The following REPS1 variants were observed in gnomAD, a reference collection of about 807,000 sequenced individuals.
REPS1 encodes the protein ralBP1-associated Eps domain-containing protein 1.
Under a neutral mutation model 100.9 loss-of-function variants are expected in REPS1, and 39 were observed. That is an observed-to-expected ratio of 0.39 (90% CI 0.30 to 0.50). The LOEUF (loss-of-function observed/expected upper bound fraction) is 0.50, where lower values mean the gene tolerates loss of function less well. Ranked by LOEUF, REPS1 falls within the 20% of genes least tolerant of loss-of-function variation. REPS1 has a pLI of 0.86. For synonymous variants in REPS1, 324 were observed against 340.3 expected (o/e 0.95, Z 0.53); for missense variants, 821 against 968.5 (o/e 0.85, Z 2.02).
At position 138,947,035 on chromosome 6, in the gene REPS1, G is replaced by GCTCGCT. The variant is rs10648982; in HGVS notation, c.277+754_277+755insAGCGAG. 2.3e-4 allele frequency among the ~76,000 whole-genome samples: 32 copies of GCTCGCT among 137,718 alleles called. No individual in the cohort carries two copies. The East Asian group carries it at 5.5e-3, about 24-fold the overall frequency. The allele number at this position is 137,718 out of a possible 152,430, so 90.3% of individuals were successfully genotyped here. On this transcript the variant is annotated intron_variant, in intron 2 of 19. Transcript: ENST00000450536. ...TAAATGTCTGTGGCTATTCCCCCTT[G>GCTCGCT]CTCTCTCTCTCTCTCTCTCTCTCTC...
At chr6:138,905,542 C>T (rs1025286186) in intron 19 of REPS1, among the ~76,000 whole-genome samples, 4 of 151,830 alleles carry the variant, frequency 2.6e-5, no homozygotes, top group South Asian at 4.2e-4. Context: ...CCACCCGCCT[C>T]GGCCTCCCAA....
At chr6:138,925,190 T>TACACACAC (rs3070143) in intron 10 of REPS1, among the ~76,000 whole-genome samples, 20 of 148,090 alleles carry the variant, frequency 1.4e-4, no homozygotes, top group East Asian at 4.0e-4. Context: ...TACTAAAAAA[T>TACACACAC]ACACACACAC....
At chr6:138,923,227 G>A (rs1024003628) in intron 10 of REPS1, among the ~76,000 whole-genome samples, 23 of 152,138 alleles carry the variant, frequency 1.5e-4, no homozygotes, top group African/African-American at 4.8e-4. Context: ...ATGGCTTTAG[G>A]AGCAACTCTA....
intron 1 of REPS1, among the ~76,000 whole-genome samples, chr6:138,985,929 C>T (rs770110615): frequency 3.9e-5 from 6 of 152,160 alleles, no homozygotes; most frequent in Admixed American, 6.5e-5. Flanking sequence ...GAAGGCTTTT[C>T]CTTAATTTTA....
rs200330644 is a variant in REPS1 at position 138,905,846 on chromosome 6, A to G, written c.2323-714T>C. The stretch of plus-strand genomic sequence containing the variant: ...TCTCATTTTGAGCTTTAGTTTCCCA[A>G]AGAATAACTTTGCATTCAGAATTTT... On this transcript the variant is annotated intron_variant, in intron 19 of 19. Transcript: ENST00000450536. Among the ~76,000 whole-genome samples the G allele has an allele frequency of 1.2e-3, 182 of 152,320 alleles. 2 individuals are homozygous for G. In the East Asian group the frequency reaches 0.028, roughly 24 times the overall value.
chr6:138,939,014 A>AT (rs1335164523), intron 8 of REPS1, among the ~76,000 whole-genome samples: 1 of 151,666 alleles, frequency 6.6e-6, no homozygotes, highest in African/African-American at 2.4e-5. Context: ...CACCCTGCTA[A>AT]TTTTTTTTAT....
intron 1 of REPS1, among the ~76,000 whole-genome samples, chr6:138,955,332 T>C (rs1307255037): frequency 2.0e-5 from 3 of 151,356 alleles, no homozygotes; most frequent in African/African-American, 4.9e-5. Flanking sequence ...CCTGTAGTGC[T>C]AGCTACTAGG....
intron 16 of REPS1, among the ~76,000 whole-genome samples, chr6:138,912,010 C>A (rs972295692): frequency 9.2e-5 from 14 of 152,108 alleles, no homozygotes; most frequent in African/African-American, 2.9e-4. Context: ...CTGTGCACAC[C>A]TCTACATGCC....
At chr6:138,905,195 A>G in intron 19 of REPS1, 63 bp from the exon 20 acceptor site, 2 of 999,448 alleles carry the variant, frequency 2.0e-6, no homozygotes, top group Non-Finnish European at 3.2e-6. Flanking sequence ...AATATCTAAC[A>G]ACAGCTCTGC....
chr6:138,911,029 TC>T (rs1779969664), intron 17 of REPS1: 1 of 316,606 alleles, frequency 3.2e-6, no homozygotes, highest in Non-Finnish European at 5.8e-6. Flanking sequence ...ATAAAGAAGT[TC>T]TACCTTATAT....
rs3765191 is a variant in REPS1, at chr6:138,911,442, C to A, written c.1972-71G>T. 182,048 of 968,532 alleles carry A rather than the reference C, an allele frequency of 0.19. 19,481 individuals are homozygous for A. Among genetic ancestry groups the A allele is most frequent in the African/African-American group, 0.4 (24,550 of 60,840 alleles). 60.0% of individuals were successfully genotyped at this position (968,532 alleles called of 1,614,324 possible). A position where few individuals can be genotyped will look rare whatever the true frequency, so the allele number is the denominator to read the frequency against. Reference sequence around the variant, plus strand: ...ATTATGCATAAATATAGAATATGTACCAAATCAGAATAAAATGTTAAATAT... The same window carrying A: ...ATTATGCATAAATATAGAATATGTAACAAATCAGAATAAAATGTTAAATAT... On this transcript the variant is annotated intron_variant, in intron 16 of 19. Coordinates refer to ENST00000450536, the MANE Select transcript of REPS1 (RefSeq NM_001286611.2).
At chr6:138,921,845 G>C (rs755301178) in intron 10 of REPS1, among the ~76,000 whole-genome samples, 1 of 151,946 alleles carries the variant, frequency 6.6e-6, no homozygotes, top group Non-Finnish European at 1.5e-5. Flanking sequence ...AAAGTGCTGG[G>C]ATTACAGGCG....
intron 13 of REPS1, among the ~76,000 whole-genome samples, chr6:138,917,061 G>C (rs1730377): frequency 0.35 from 52,575 of 152,056 alleles, 11,121 homozygotes; most frequent in Admixed American, 0.5. Context: ...CCTGCACACA[G>C]CTTTTAGTGG....
At position 138,947,892 on chromosome 6, in the gene REPS1, T is replaced by C. The variant is rs1403301783; in HGVS notation, c.175A>G (p.Thr59Ala). 1.2e-6 allele frequency: 2 copies of C among 1,607,930 alleles called. No homozygotes were observed. The highest frequency in any genetic ancestry group is 1.7e-6 in the Non-Finnish European group (2 of 1,178,060). ...CTTCTTCCAAAATAACCAAGTCTTG[T>C]TGCACCACAAAGCTCCATGATCTAT... is the stretch of plus-strand genomic sequence containing the variant. The part of the protein sequence containing the change: ...VLQIMELCGA[T>A]RLGYFGRSQF... The change falls in exon 2 of 20, where the codon ACA becomes GCA. Residue 59 changes from threonine (T) to alanine (A), a missense_variant. Coordinates refer to ENST00000450536, the MANE Select transcript of REPS1 (RefSeq NM_001286611.2).
chr6:138,979,601 T>G (rs1784819217), intron 1 of REPS1, among the ~76,000 whole-genome samples: 1 of 152,150 alleles, frequency 6.6e-6, no homozygotes, highest in African/African-American at 2.4e-5. Flanking sequence ...TGCCCACATG[T>G]TCTCAGCCTC....
chr6:138,952,693 C>G (rs936160474), intron 1 of REPS1, among the ~76,000 whole-genome samples: 1 of 152,060 alleles, frequency 6.6e-6, no homozygotes, highest in Admixed American at 6.6e-5. Flanking sequence ...AGCCACCACA[C>G]CCAGCCTACA....
chr6:138,966,289 G>A (rs1225898964), intron 1 of REPS1, among the ~76,000 whole-genome samples: 1 of 152,144 alleles, frequency 6.6e-6, no homozygotes, highest in Non-Finnish European at 1.5e-5. Context: ...CACTGGTCAA[G>A]CAGGAGCAAA....
chr6:138,941,011 T>C (rs943713021), intron 8 of REPS1, among the ~76,000 whole-genome samples: 1 of 152,184 alleles, frequency 6.6e-6, no homozygotes, highest in Non-Finnish European at 1.5e-5. Flanking sequence ...GAAGATGGGT[T>C]ACTCTATCCA....
intron 1 of REPS1, chr6:138,950,935 A>C (rs1391277728): frequency 6.6e-6 from 1 of 152,224 alleles, no homozygotes; most frequent in African/African-American, 2.4e-5. Context: ...TCACGCCTGT[A>C]ATCGCAGCAC....
Sources: allele counts gnomAD v4.1 joint callset (sites outside exome capture counted in the v4.1 genomes callset), GRCh38; gene constraint gnomAD v4.1.1; transcripts MANE v1.5; gene names NCBI Gene and HGNC (gene_info 2026-07-23, HGNC 2026-07-21).